SPMIP2: variants seen among roughly 807,000 people sequenced by gnomAD.
SPMIP2 encodes the protein protein SPMIP2.
the SPMIP2 span, among the ~76,000 whole-genome samples, chr4:159,031,960 G>T: frequency 6.6e-6 from 1 of 152,200 alleles, no homozygotes; most frequent in South Asian, 2.1e-4. Flanking sequence ...GGTGGCTCAT[G>T]CCTGTAATCC....
At chr4:158,954,714 C>A in the SPMIP2 span, among the ~76,000 whole-genome samples, 1 of 152,218 alleles carries the variant, frequency 6.6e-6, no homozygotes. Flanking sequence ...AAGATTATCA[C>A]AGAAAGTTAG....
At chr4:158,976,310 C>T in the SPMIP2 span, among the ~76,000 whole-genome samples, 1 of 152,192 alleles carries the variant, frequency 6.6e-6, no homozygotes, top group South Asian at 2.1e-4. Context: ...CTGGCCAGAA[C>T]TTCCAATACT....
chr4:158,962,466 C>T, the SPMIP2 span, among the ~76,000 whole-genome samples: 2 of 152,192 alleles, frequency 1.3e-5, no homozygotes, highest in Non-Finnish European at 2.9e-5. Flanking sequence ...TGCATAGACA[C>T]TAAGGGTTTT....
the SPMIP2 span, chr4:158,909,367 T>C: frequency 8.6e-5 from 13 of 151,936 alleles, no homozygotes; most frequent in Non-Finnish European, 1.3e-4. Flanking sequence ...TTTTTTTTCC[T>C]TTTCGTGCAT....
chr4:158,938,929 G>C, the SPMIP2 span, among the ~76,000 whole-genome samples: 13 of 152,294 alleles, frequency 8.5e-5, no homozygotes, highest in East Asian at 2.5e-3. Flanking sequence ...TCATCTATTA[G>C]AAGTGTTGAA....
the SPMIP2 span, among the ~76,000 whole-genome samples, chr4:158,929,606 T>A: frequency 6.6e-6 from 1 of 152,218 alleles, no homozygotes; most frequent in Admixed American, 6.5e-5. Context: ...CATTAATATC[T>A]TATTTCAAAA....
chr4:159,026,356 A>G, the SPMIP2 span: 1 of 704,330 alleles, frequency 1.4e-6, no homozygotes, highest in Non-Finnish European at 2.6e-6. Flanking sequence ...TACAGCTCAT[A>G]GCAAAAAAAC....
the SPMIP2 span, among the ~76,000 whole-genome samples, chr4:159,045,095 A>C: frequency 9.2e-5 from 14 of 152,280 alleles, no homozygotes; most frequent in South Asian, 2.9e-3. Flanking sequence ...TGTCTCAAAA[A>C]AGAAAAAAAA....
the SPMIP2 span, among the ~76,000 whole-genome samples, chr4:159,077,401 C>T: frequency 6.6e-6 from 1 of 152,318 alleles, no homozygotes; most frequent in Admixed American, 6.5e-5. Flanking sequence ...CCGCCTCGGC[C>T]TCCCAAAGTG....
the SPMIP2 span, among the ~76,000 whole-genome samples, chr4:159,033,355 T>C: frequency 3.9e-5 from 6 of 152,124 alleles, no homozygotes; most frequent in African/African-American, 1.2e-4. Flanking sequence ...GGTGAAACCA[T>C]AACGTATGGT....
At chr4:159,029,976 G>A in the SPMIP2 span, among the ~76,000 whole-genome samples, 4 of 152,122 alleles carry the variant, frequency 2.6e-5, no homozygotes, top group Admixed American at 6.5e-5. Flanking sequence ...AGAAAAATAA[G>A]ACTTGATGAG....
the SPMIP2 span, among the ~76,000 whole-genome samples, chr4:159,050,212 T>C: frequency 6.6e-6 from 1 of 151,562 alleles, no homozygotes; most frequent in East Asian, 1.9e-4. Context: ...GTATTTTTTT[T>C]TTTTTTTTTT....
the SPMIP2 span, among the ~76,000 whole-genome samples, chr4:158,970,353 C>T: frequency 6.6e-6 from 1 of 152,166 alleles, no homozygotes; most frequent in South Asian, 2.1e-4. Flanking sequence ...CCAGCCTGGG[C>T]AACATAGACC....
the SPMIP2 span, among the ~76,000 whole-genome samples, chr4:159,040,144 ATG>A: frequency 0.34 from 51,260 of 150,620 alleles, 9,168 homozygotes; most frequent in East Asian, 0.64. Flanking sequence ...GTACTTAAAT[ATG>A]TGTGTGTGTG....
the SPMIP2 span, among the ~76,000 whole-genome samples, chr4:159,029,643 T>C: frequency 6.6e-6 from 1 of 152,160 alleles, no homozygotes; most frequent in African/African-American, 2.4e-5. Flanking sequence ...TGGCTGAGTT[T>C]TGTGTAGTGT....
chr4:159,078,624 G>T, the SPMIP2 span, among the ~76,000 whole-genome samples: 1 of 152,200 alleles, frequency 6.6e-6, no homozygotes, highest in African/African-American at 2.4e-5. Flanking sequence ...AGGGTTAGAA[G>T]GTGAAGAAAG....
chr4:158,904,865 TG>T, the SPMIP2 span: 1 of 269,624 alleles, frequency 3.7e-6, no homozygotes, highest in African/African-American at 2.2e-5. Flanking sequence ...TTGTGCTGTT[TG>T]GGCAGAATAA....
the SPMIP2 span, among the ~76,000 whole-genome samples, chr4:159,013,807 A>AATGAAGCTTGAGAACATAATACT: frequency 6.6e-6 from 1 of 150,916 alleles, no homozygotes. Flanking sequence ...CTGTGATATA[A>AATGAAGCTTGAGAACATAATACT]ATGAAGCTTG....
At chr4:159,024,737 T>G in the SPMIP2 span, among the ~76,000 whole-genome samples, 1 of 152,206 alleles carries the variant, frequency 6.6e-6, no homozygotes, top group Admixed American at 6.5e-5. Context: ...TAAAATATTT[T>G]TAATGGAACT....
Sources: allele counts gnomAD v4.1 joint callset (sites outside exome capture counted in the v4.1 genomes callset), GRCh38; gene constraint gnomAD v4.1.1; transcripts MANE v1.5; gene names NCBI Gene and HGNC (gene_info 2026-07-23, HGNC 2026-07-21).